Variants in KCNN2 observed in about 807,000 individuals in gnomAD.
The protein encoded by KCNN2 is potassium calcium-activated channel subfamily N member 2.
A neutral mutation model predicts 55.5 loss-of-function variants in KCNN2; 24 were observed. The observed-to-expected ratio is 0.43, with a 90% confidence interval of 0.31 to 0.61. The LOEUF (loss-of-function observed/expected upper bound fraction) is 0.61. KCNN2 is among the 20% of genes least tolerant of loss of function. The pLI is 0.08. For synonymous variants in KCNN2, 431 were observed against 336.1 expected (o/e 1.28, Z -3.09); for missense variants, 754 against 853.6 (o/e 0.88, Z 1.45).
At chr5:114,175,731 A>C (rs1406474696) in intron 1 of KCNN2, among the ~76,000 whole-genome samples, 1 of 152,234 alleles carries the variant, frequency 6.6e-6, no homozygotes, top group Non-Finnish European at 1.5e-5. Flanking sequence ...ATGAAATTAA[A>C]TCTATGAAAT....
At chr5:114,285,388 G>A (rs1255093630) in intron 2 of KCNN2, among the ~76,000 whole-genome samples, 2 of 151,800 alleles carry the variant, frequency 1.3e-5, no homozygotes, top group African/African-American at 4.8e-5. Flanking sequence ...AAGAATGAGT[G>A]CAGTCTGTGA....
chr5:114,315,465 GTA>G (rs35534460), intron 2 of KCNN2, among the ~76,000 whole-genome samples: 885 of 68,118 alleles, frequency 0.013, 9 homozygotes, highest in Admixed American at 0.066. Flanking sequence ...GTGTGTGTGT[GTA>G]TATATATATA....
intron 3 of KCNN2, among the ~76,000 whole-genome samples, chr5:114,452,775 G>A (rs566354186): frequency 2.1e-4 from 32 of 152,280 alleles, no homozygotes; most frequent in African/African-American, 7.0e-4. Flanking sequence ...GAATAGCTAC[G>A]TGTGAATATC....
At chr5:114,103,010 C>T (rs1751404404) in intron 1 of KCNN2, among the ~76,000 whole-genome samples, 1 of 152,030 alleles carries the variant, frequency 6.6e-6, no homozygotes, top group African/African-American at 2.4e-5. Context: ...AGCATTGAAT[C>T]TATAGATTAC....
intron 1 of KCNN2, among the ~76,000 whole-genome samples, chr5:114,148,895 G>T (rs1216707386): frequency 6.6e-6 from 1 of 152,000 alleles, no homozygotes; most frequent in Non-Finnish European, 1.5e-5. Context: ...TTAACTTGTG[G>T]CAGTTGAAGA....
chr5:114,372,826 A>G (rs1463958361), intron 2 of KCNN2, among the ~76,000 whole-genome samples: 4 of 152,154 alleles, frequency 2.6e-5, no homozygotes, highest in Non-Finnish European at 5.9e-5. Context: ...AAACATTCTT[A>G]ATATTGTAGA....
intron 1 of KCNN2, among the ~76,000 whole-genome samples, chr5:114,193,970 C>T (rs768104479): frequency 6.6e-6 from 1 of 152,080 alleles, no homozygotes; most frequent in African/African-American, 2.4e-5. Context: ...ACCATCACCA[C>T]AATATAATTT....
At chr5:114,443,645 G>A (rs1561386958) in intron 3 of KCNN2, among the ~76,000 whole-genome samples, 1 of 152,182 alleles carries the variant, frequency 6.6e-6, no homozygotes, top group Non-Finnish European at 1.5e-5. Context: ...GCCCTCAGGG[G>A]CTCTCAGGAA....
chr5:114,282,653 T>G (rs1164919557), intron 2 of KCNN2, among the ~76,000 whole-genome samples: 1 of 152,118 alleles, frequency 6.6e-6, no homozygotes, highest in African/African-American at 2.4e-5. Context: ...ACTGCTTTTG[T>G]TGGTTTTTGG....
intron 1 of KCNN2, among the ~76,000 whole-genome samples, chr5:114,124,450 C>G (rs1302945681): frequency 1.3e-5 from 2 of 152,080 alleles, no homozygotes; most frequent in African/African-American, 4.8e-5. Context: ...GAAACTGCAG[C>G]CTCAAAAACC....
At chr5:114,494,149 A>G (rs1002821610) in intron 7 of KCNN2, among the ~76,000 whole-genome samples, 2 of 151,824 alleles carry the variant, frequency 1.3e-5, no homozygotes, top group African/African-American at 4.8e-5. Flanking sequence ...AAAACATTGC[A>G]TTTTCCTGGG....
intron 2 of KCNN2, among the ~76,000 whole-genome samples, chr5:114,229,493 G>T (rs4705494): frequency 0.85 from 128,497 of 151,876 alleles, 54,428 homozygotes; most frequent in East Asian, 0.9. Context: ...TTTCAAATGT[G>T]TGAAAATTCT....
At chr5:114,493,997 T>A (rs1747986957) in intron 7 of KCNN2, among the ~76,000 whole-genome samples, 1 of 152,158 alleles carries the variant, frequency 6.6e-6, no homozygotes, top group Admixed American at 6.5e-5. Context: ...ATTTCATTAT[T>A]TCAAAATCAT....
chr5:114,109,348 A>C (rs1481458125), intron 1 of KCNN2, among the ~76,000 whole-genome samples: 1 of 152,126 alleles, frequency 6.6e-6, no homozygotes, highest in Non-Finnish European at 1.5e-5. Context: ...CTTATGTAAC[A>C]TACTCAAGGA....
intron 1 of KCNN2, among the ~76,000 whole-genome samples, chr5:114,102,923 C>G (rs1393670918): frequency 6.6e-6 from 1 of 152,064 alleles, no homozygotes; most frequent in African/African-American, 2.4e-5. Context: ...TATATGGGCT[C>G]TTTTTTGGTT....
At chr5:114,111,469 A>G (rs576733312) in intron 1 of KCNN2, among the ~76,000 whole-genome samples, 1 of 152,356 alleles carries the variant, frequency 6.6e-6, no homozygotes, top group South Asian at 2.1e-4. Flanking sequence ...ACAAAAGCCC[A>G]AATTGACAAA....
At chr5:114,407,356 T>G (rs778725242) in intron 3 of KCNN2, among the ~76,000 whole-genome samples, 5 of 152,176 alleles carry the variant, frequency 3.3e-5, no homozygotes, top group Non-Finnish European at 2.9e-5. Context: ...CTTTCACACT[T>G]TCTATTGGGA....
chr5:114,218,902 G>C (rs563854981), intron 1 of KCNN2, among the ~76,000 whole-genome samples: 1 of 152,128 alleles, frequency 6.6e-6, no homozygotes, highest in African/African-American at 2.4e-5. Context: ...CTTGTGGCAT[G>C]GTACCTTGTT....
At chr5:114,130,015 G>A (rs558265134) in intron 1 of KCNN2, among the ~76,000 whole-genome samples, 2 of 152,136 alleles carry the variant, frequency 1.3e-5, no homozygotes, top group Non-Finnish European at 1.5e-5. Context: ...GTGGGGGAGA[G>A]AGCACTGAAT....
Sources: allele counts gnomAD v4.1 joint callset (sites outside exome capture counted in the v4.1 genomes callset), GRCh38; gene constraint gnomAD v4.1.1; transcripts MANE v1.5; gene names NCBI Gene and HGNC (gene_info 2026-07-23, HGNC 2026-07-21).